Variants in GRM1 observed in about 807,000 individuals in gnomAD.
GRM1 encodes metabotropic glutamate receptor 1.
GRM1 carries 33 observed loss-of-function variants against 90.9 expected under a neutral mutation model. The observed-to-expected ratio is 0.36, with a 90% CI of 0.28 to 0.49. The LOEUF is 0.49. Ranked by LOEUF, GRM1 falls within the 20% of genes least tolerant of loss-of-function variation. The pLI is 0.99. For missense variants in GRM1, 1,190 were observed against 1,534.3 expected (o/e 0.78, Z 3.75); for synonymous variants, 700 against 613.2 (o/e 1.14, Z -2.09).
chr6:146,423,749 G>A (rs998369478), intron 7 of GRM1, among the ~76,000 whole-genome samples: 50 of 152,198 alleles, frequency 3.3e-4, no homozygotes, highest in African/African-American at 1.0e-3. Context: ...AGTTGTCAAG[G>A]CATCCCCCCG....
At chr6:146,143,089 A>C (rs903333404) in intron 1 of GRM1, among the ~76,000 whole-genome samples, 1 of 152,132 alleles carries the variant, frequency 6.6e-6, no homozygotes, top group Non-Finnish European at 1.5e-5. Flanking sequence ...TCAGGGCCTA[A>C]GAGCTCTTTA....
At chr6:146,393,046 C>G (rs1413407951) in intron 6 of GRM1, among the ~76,000 whole-genome samples, 1 of 152,110 alleles carries the variant, frequency 6.6e-6, no homozygotes, top group Non-Finnish European at 1.5e-5. Flanking sequence ...TGAGGATATA[C>G]CCAGTAATGG....
At chr6:146,267,007 A>G (rs547363277) in intron 2 of GRM1, among the ~76,000 whole-genome samples, 3 of 152,308 alleles carry the variant, frequency 2.0e-5, no homozygotes, top group African/African-American at 7.2e-5. Flanking sequence ...ATTAAGCCCA[A>G]CATCCATTAG....
intron 7 of GRM1, among the ~76,000 whole-genome samples, chr6:146,425,106 C>T (rs1220886819): frequency 1.2e-4 from 18 of 152,116 alleles, no homozygotes; most frequent in Non-Finnish European, 2.9e-5. Context: ...ATGAGGATTT[C>T]AAATTACTCT....
At chr6:146,424,949 T>C (rs918004214) in intron 7 of GRM1, among the ~76,000 whole-genome samples, 17 of 152,230 alleles carry the variant, frequency 1.1e-4, no homozygotes, top group Non-Finnish European at 2.9e-5. Context: ...GATCTTTTGA[T>C]TTCGAGTAGG....
intron 2 of GRM1, among the ~76,000 whole-genome samples, chr6:146,177,478 A>T (rs555909108): frequency 8.2e-4 from 125 of 152,078 alleles, no homozygotes; most frequent in Middle Eastern, 6.8e-3. Flanking sequence ...TAATATATGT[A>T]TTTTTTATAC....
At chr6:146,132,576 C>T (rs1363921565) in intron 1 of GRM1, among the ~76,000 whole-genome samples, 2 of 152,070 alleles carry the variant, frequency 1.3e-5, no homozygotes, top group South Asian at 2.1e-4. Flanking sequence ...GTATTCCTCT[C>T]CTCTTGTTTT....
intron 7 of GRM1, among the ~76,000 whole-genome samples, chr6:146,417,042 A>G (rs1777811970): frequency 6.6e-6 from 1 of 152,144 alleles, no homozygotes. Flanking sequence ...TGAATTCAAA[A>G]TTTTATGTCT....
intron 1 of GRM1, among the ~76,000 whole-genome samples, chr6:146,124,532 T>C (rs1776123142): frequency 6.6e-6 from 1 of 152,302 alleles, no homozygotes; most frequent in East Asian, 1.9e-4. Flanking sequence ...AATATTTATA[T>C]CTGTATCACA....
At chr6:146,294,220 A>T (rs1412387263) in intron 2 of GRM1, among the ~76,000 whole-genome samples, 1 of 151,812 alleles carries the variant, frequency 6.6e-6, no homozygotes, top group Non-Finnish European at 1.5e-5. Flanking sequence ...CATTTCTGGG[A>T]ATAAATTTCC....
intron 2 of GRM1, among the ~76,000 whole-genome samples, chr6:146,297,995 TG>T (rs1231838792): frequency 6.6e-6 from 1 of 152,176 alleles, no homozygotes; most frequent in Non-Finnish European, 1.5e-5. Flanking sequence ...TCTTGTTGCC[TG>T]AGGCCCCTGA....
chr6:146,289,534 G>A (rs922102468), intron 2 of GRM1, among the ~76,000 whole-genome samples: 2 of 152,112 alleles, frequency 1.3e-5, no homozygotes, highest in African/African-American at 4.8e-5. Context: ...GAAGAAAAAA[G>A]TACGTTTATG....
chr6:146,147,195 A>G (rs1302347686), intron 1 of GRM1, among the ~76,000 whole-genome samples: 1 of 152,230 alleles, frequency 6.6e-6, no homozygotes, highest in Admixed American at 6.5e-5. Context: ...TTTATTAAAG[A>G]AGAACAGAGG....
At chr6:146,165,378 T>A (rs898050244) in intron 2 of GRM1, among the ~76,000 whole-genome samples, 4 of 152,136 alleles carry the variant, frequency 2.6e-5, no homozygotes, top group African/African-American at 9.7e-5. Context: ...TATGAGTTAT[T>A]TTAGTTTCAT....
In GRM1 at chr6:146,048,168, G is replaced by A. The variant is rs569476791; in HGVS notation, c.700+17951G>A. Among the ~76,000 whole-genome samples, 3 of 152,096 alleles carry A rather than the reference G, an allele frequency of 2.0e-5. No homozygotes were observed. The South Asian group carries it at 6.2e-4, about 32-fold the overall frequency. On this transcript the variant is annotated intron_variant, in intron 1 of 7. Transcript: ENST00000282753. Reference sequence around the variant, plus strand: ...CATATCTTTGTAAGGTCTGATATGGGGTTAAGCACAAAGTGCTTAATTAAT... The same window carrying A: ...CATATCTTTGTAAGGTCTGATATGGAGTTAAGCACAAAGTGCTTAATTAAT...
At chr6:146,278,258 T>C (rs1233592410) in intron 2 of GRM1, among the ~76,000 whole-genome samples, 1 of 152,216 alleles carries the variant, frequency 6.6e-6, no homozygotes, top group African/African-American at 2.4e-5. Flanking sequence ...AATCAGGTGA[T>C]ATAATATTAA....
chr6:146,170,692 C>A (rs1028214345), intron 2 of GRM1, among the ~76,000 whole-genome samples: 2 of 151,704 alleles, frequency 1.3e-5, no homozygotes, highest in African/African-American at 4.8e-5. Context: ...TTTTTTACTT[C>A]TTTAAGCATA....
chr6:146,123,094 C>T lies in GRM1; in HGVS notation c.701-36254C>T, dbSNP rs140801414. 5.0e-3 allele frequency among the ~76,000 whole-genome samples: 765 copies of T among 152,050 alleles called. 5 individuals carry two copies. Among genetic ancestry groups the T allele is most frequent in the African/African-American group, 0.015 (610 of 41,504 alleles). On this transcript the variant is annotated intron_variant, in intron 1 of 7. Coordinates refer to ENST00000282753, the MANE Select transcript of GRM1 (RefSeq NM_001278064.2). ...TCCTGACCTCGTGATCTGGCCACCT[C>T]GGCCTCTCAAAGTGCTGGGATTACA... is the stretch of plus-strand genomic sequence containing the variant.
At chr6:146,368,260 T>TG (rs200400693) in intron 5 of GRM1, among the ~76,000 whole-genome samples, 2,351 of 115,818 alleles carry the variant, frequency 0.02, 47 homozygotes, top group African/African-American at 0.055. Context: ...AGTTTTTTTT[T>TG]GGGGGGGGGG....
Sources: gnomAD v4.1 joint callset for allele counts (sites outside exome capture counted in the v4.1 genomes callset) on GRCh38, gnomAD v4.1.1 for gene constraint, MANE v1.5 for transcripts, NCBI Gene and HGNC (gene_info 2026-07-23, HGNC 2026-07-21) for gene names.